NRG3: variants seen among roughly 807,000 people sequenced by gnomAD.
NRG3 encodes neuregulin 3, also known as pro-neuregulin-3, membrane-bound isoform.
Under a neutral mutation model 66.9 loss-of-function variants are expected in NRG3, and 31 were observed. The ratio of observed to expected loss-of-function variants is 0.46; its 90% CI spans 0.35 to 0.63. The LOEUF (loss-of-function observed/expected upper bound fraction) is 0.63. Ranked by LOEUF, NRG3 falls within the 20% of genes least tolerant of loss-of-function variation. The pLI is 0.00. For synonymous variants in NRG3, 393 were observed against 359.4 expected (o/e 1.09, Z -1.06); for missense variants, 910 against 878.9 (o/e 1.04, Z -0.45).
At chr10:82,704,298 G>A (rs2056125841) in intron 2 of NRG3, among the ~76,000 whole-genome samples, 1 of 152,038 alleles carries the variant, frequency 6.6e-6, no homozygotes, top group Non-Finnish European at 1.5e-5. Context: ...CCGATTAAAT[G>A]TTCAGAAAGG....
At chr10:82,909,385 CT>C (rs1845096075) in intron 4 of NRG3, among the ~76,000 whole-genome samples, 2 of 152,256 alleles carry the variant, frequency 1.3e-5, no homozygotes, top group South Asian at 4.2e-4. Flanking sequence ...GCTCCAAAAT[CT>C]AAGATTCTTG....
At chr10:82,162,756 A>G (rs964821560) in intron 1 of NRG3, among the ~76,000 whole-genome samples, 1 of 152,146 alleles carries the variant, frequency 6.6e-6, no homozygotes, top group African/African-American at 2.4e-5. Context: ...ATTGCAACTC[A>G]GAGCTCTTTC....
At chr10:82,714,449 G>A (rs372577464) in intron 2 of NRG3, among the ~76,000 whole-genome samples, 21 of 152,250 alleles carry the variant, frequency 1.4e-4, no homozygotes, top group African/African-American at 3.1e-4. Flanking sequence ...TCATGCTTCC[G>A]TGTCATTTTC....
intron 2 of NRG3, among the ~76,000 whole-genome samples, chr10:82,708,553 G>A (rs1014386089): frequency 6.6e-6 from 1 of 151,968 alleles, no homozygotes; most frequent in Admixed American, 6.6e-5. Flanking sequence ...ACCACCTTTC[G>A]ATTTACAAAT....
rs542137761 is a variant in NRG3, at chr10:82,077,560, T to G, written c.823+201397T>G. Among the ~76,000 whole-genome samples the G allele has an allele frequency of 7.2e-5, 11 of 152,362 alleles. 2 individuals are homozygous for G. The South Asian group carries it at 1.7e-3, about 23-fold the overall frequency. Reference sequence around the variant, plus strand: ...CTTCTGTTAGAGCTTTGCTCTTGGCTTATACTTTCTGGAAGAAGTAGGGGT... The same window carrying G: ...CTTCTGTTAGAGCTTTGCTCTTGGCGTATACTTTCTGGAAGAAGTAGGGGT... On this transcript the variant is annotated intron_variant, in intron 1 of 8. Transcript: ENST00000372141.
chr10:82,890,003 G>C (rs1011790250), intron 4 of NRG3, among the ~76,000 whole-genome samples: 1 of 152,136 alleles, frequency 6.6e-6, no homozygotes, highest in South Asian at 2.1e-4. Context: ...TCTATTCTGA[G>C]ACTGGTGACA....
intron 2 of NRG3, among the ~76,000 whole-genome samples, chr10:82,396,283 C>G (rs933955499): frequency 2.6e-5 from 4 of 152,150 alleles, no homozygotes; most frequent in Non-Finnish European, 5.9e-5. Flanking sequence ...ATATCAATAA[C>G]TTTCCCTTTA....
At chr10:82,547,694 A>G (rs1393568636) in intron 2 of NRG3, among the ~76,000 whole-genome samples, 1 of 151,858 alleles carries the variant, frequency 6.6e-6, no homozygotes, top group Non-Finnish European at 1.5e-5. Flanking sequence ...GAGCCAAAAC[A>G]CTGGATTTGC....
chr10:82,831,712 G>A (rs2062533022), intron 3 of NRG3, among the ~76,000 whole-genome samples: 1 of 152,156 alleles, frequency 6.6e-6, no homozygotes, highest in Admixed American at 6.5e-5. Flanking sequence ...TACTCGGGAG[G>A]CTGAGGCAGG....
chr10:82,015,029 T>C lies in NRG3; in HGVS notation c.823+138866T>C, dbSNP rs116404653. Among the ~76,000 whole-genome samples, 473 of 152,316 alleles carry C rather than the reference T, an allele frequency of 3.1e-3. 3 individuals carry two copies. The highest frequency in any genetic ancestry group is 0.011 in the African/African-American group (454 of 41,574). On this transcript the variant is annotated intron_variant, in intron 1 of 8. Coordinates refer to ENST00000372141, the MANE Select transcript of NRG3 (RefSeq NM_001010848.4). Reference sequence around the variant, plus strand: ...CATAAGCGGGAAATGTAGGAATTTGTATGCTTTAATCAAGTATATTTCTCA... The same window carrying C: ...CATAAGCGGGAAATGTAGGAATTTGCATGCTTTAATCAAGTATATTTCTCA...
At chr10:82,921,814 C>A (rs1348797806) in intron 4 of NRG3, among the ~76,000 whole-genome samples, 1 of 152,056 alleles carries the variant, frequency 6.6e-6, no homozygotes, top group East Asian at 1.9e-4. Context: ...ATAATTATTT[C>A]AGCTTTAGAG....
At chr10:82,651,281 C>G (rs1029568447) in intron 2 of NRG3, among the ~76,000 whole-genome samples, 1 of 152,094 alleles carries the variant, frequency 6.6e-6, no homozygotes, top group Admixed American at 6.5e-5. Flanking sequence ...AATGTGATGT[C>G]TGTGTGAAAA....
At chr10:82,855,807 A>G (rs1039236417) in intron 3 of NRG3, among the ~76,000 whole-genome samples, 1 of 152,178 alleles carries the variant, frequency 6.6e-6, no homozygotes, top group African/African-American at 2.4e-5. Context: ...GATGTTGTTA[A>G]GGGGAAAAAC....
chr10:82,597,385 C>T (rs1465347411), intron 2 of NRG3, among the ~76,000 whole-genome samples: 1 of 152,166 alleles, frequency 6.6e-6, no homozygotes, highest in African/African-American at 2.4e-5. Flanking sequence ...CCTTGAAACT[C>T]CTTGCACATT....
intron 1 of NRG3, among the ~76,000 whole-genome samples, chr10:82,058,689 T>C (rs2063973808): frequency 6.6e-6 from 1 of 152,126 alleles, no homozygotes; most frequent in African/African-American, 2.4e-5. Flanking sequence ...TCACAAGTTT[T>C]TGGTGTTTTT....
intron 1 of NRG3, chr10:82,232,998 A>G (rs560429793): frequency 1.7e-6 from 1 of 586,902 alleles, no homozygotes; most frequent in African/African-American, 1.9e-5. Flanking sequence ...TTTCCAGGGT[A>G]TGTGGGCAAG....
intron 2 of NRG3, among the ~76,000 whole-genome samples, chr10:82,488,028 G>C (rs965142606): frequency 6.6e-6 from 1 of 152,120 alleles, no homozygotes; most frequent in African/African-American, 2.4e-5. Flanking sequence ...CAAGGCTATT[G>C]AAAATAAGAA....
At chr10:82,634,502 AT>A (rs1337308938) in intron 2 of NRG3, among the ~76,000 whole-genome samples, 2 of 152,216 alleles carry the variant, frequency 1.3e-5, no homozygotes, top group Non-Finnish European at 2.9e-5. Context: ...GGAGATGCAC[AT>A]TTTTTAAAAA....
At chr10:82,165,110 A>G (rs561058356) in intron 1 of NRG3, among the ~76,000 whole-genome samples, 1 of 152,236 alleles carries the variant, frequency 6.6e-6, no homozygotes, top group Non-Finnish European at 1.5e-5. Flanking sequence ...CATTGTATGG[A>G]TGCTACCATT....
Sources: gnomAD v4.1 joint callset for allele counts (sites outside exome capture counted in the v4.1 genomes callset) on GRCh38, gnomAD v4.1.1 for gene constraint, MANE v1.5 for transcripts, NCBI Gene and HGNC (gene_info 2026-07-23, HGNC 2026-07-21) for gene names.